TASP1: variants seen among roughly 807,000 people sequenced by gnomAD.
The protein encoded by TASP1 is threonine aspartase 1.
TASP1 carries 16 observed loss-of-function variants against 56.6 expected under a neutral mutation model. That is an observed-to-expected ratio of 0.28 (90% CI 0.19 to 0.43). The LOEUF (loss-of-function observed/expected upper bound fraction) is 0.43, where lower values mean the gene tolerates loss of function less well. TASP1 is among the 20% of genes least tolerant of loss of function. The pLI is 1.00. For synonymous variants in TASP1, 179 were observed against 184.2 expected, an observed-to-expected ratio of 0.97 and a Z score of 0.23; for missense variants, 393 against 511.6, an observed-to-expected ratio of 0.77 and a Z score of 2.24.
chr20:13,559,152 T>G, intron 7 of TASP1, 38 bp from the exon 8 acceptor site: 1 of 1,323,528 alleles, frequency 7.6e-7, no homozygotes, highest in South Asian at 1.6e-5. Flanking sequence ...ATATAACATT[T>G]AAGAAATATT....
At chr20:13,524,653 G>C (rs1049145121) in intron 10 of TASP1, among the ~76,000 whole-genome samples, 1 of 152,106 alleles carries the variant, frequency 6.6e-6, no homozygotes, top group African/African-American at 2.4e-5. Flanking sequence ...AATAAGAAAA[G>C]CTTTTACTAT....
chr20:13,118,411 C>T, the TASP1 span, among the ~76,000 whole-genome samples: 1 of 133,042 alleles, frequency 7.5e-6, no homozygotes, highest in African/African-American at 2.7e-5. Context: ...GAGTGTTGGC[C>T]CTGTCATTCT....
chr20:13,627,952 A>G (rs1389650844), intron 2 of TASP1, among the ~76,000 whole-genome samples: 2 of 152,264 alleles, frequency 1.3e-5, no homozygotes, highest in East Asian at 1.9e-4. Context: ...TCTATAACCA[A>G]TCAAATTGCT....
At chr20:13,346,944 A>G in the TASP1 span, among the ~76,000 whole-genome samples, 1 of 152,264 alleles carries the variant, frequency 6.6e-6, no homozygotes, top group East Asian at 1.9e-4. Flanking sequence ...GACTGTGTTC[A>G]TAAGAGTGAA....
At chr20:13,458,384 G>C (rs1454154322) in intron 11 of TASP1, among the ~76,000 whole-genome samples, 1 of 152,084 alleles carries the variant, frequency 6.6e-6, no homozygotes, top group Admixed American at 6.6e-5. Flanking sequence ...TTTCGCTCTT[G>C]TTGCCTAGGC....
chr20:13,313,007 C>T, the TASP1 span, among the ~76,000 whole-genome samples: 171 of 152,246 alleles, frequency 1.1e-3, no homozygotes, highest in Admixed American at 1.8e-3. Flanking sequence ...GCCTCATCTG[C>T]GCATCTTCCA....
chr20:13,273,879 G>C, the TASP1 span, among the ~76,000 whole-genome samples: 1 of 152,144 alleles, frequency 6.6e-6, no homozygotes, highest in Non-Finnish European at 1.5e-5. Context: ...GTGGAGGGTG[G>C]CCAGCATTTT....
At chr20:13,369,786 C>G in the TASP1 span, among the ~76,000 whole-genome samples, 2 of 152,162 alleles carry the variant, frequency 1.3e-5, no homozygotes, top group Non-Finnish European at 2.9e-5. Flanking sequence ...AGGATCAAGT[C>G]AACTAATGAA....
At chr20:13,576,998 T>C (rs1013448092) in intron 6 of TASP1, among the ~76,000 whole-genome samples, 1 of 152,182 alleles carries the variant, frequency 6.6e-6, no homozygotes, top group Admixed American at 6.5e-5. Flanking sequence ...TTTTTGTACA[T>C]CTATGCACAT....
At chr20:13,203,186 C>G in the TASP1 span, among the ~76,000 whole-genome samples, 3 of 152,156 alleles carry the variant, frequency 2.0e-5, no homozygotes, top group Admixed American at 1.3e-4. Context: ...TTAAATGTTA[C>G]TGTGTGCCAG....
the TASP1 span, among the ~76,000 whole-genome samples, chr20:13,295,028 G>A: frequency 6.6e-6 from 1 of 152,018 alleles, no homozygotes; most frequent in Admixed American, 6.5e-5. Flanking sequence ...TTCTATTGAT[G>A]AGTGCCCAAA....
intron 11 of TASP1, among the ~76,000 whole-genome samples, chr20:13,435,532 G>T (rs1477325177): frequency 1.3e-5 from 2 of 152,048 alleles, no homozygotes; most frequent in African/African-American, 4.8e-5. Flanking sequence ...CTGCTGTCAG[G>T]GACACACCAC....
intron 8 of TASP1, among the ~76,000 whole-genome samples, chr20:13,538,386 A>C (rs1459337739): frequency 6.6e-6 from 1 of 152,200 alleles, no homozygotes; most frequent in Non-Finnish European, 1.5e-5. Context: ...AAAAATAAGA[A>C]TATATCTTAA....
the TASP1 span, among the ~76,000 whole-genome samples, chr20:13,256,700 G>A: frequency 6.6e-6 from 1 of 152,180 alleles, no homozygotes; most frequent in Non-Finnish European, 1.5e-5. Flanking sequence ...ATTGTTGGAA[G>A]AGGTATTCAC....
At chr20:13,333,520 T>C in the TASP1 span, among the ~76,000 whole-genome samples, 5 of 151,286 alleles carry the variant, frequency 3.3e-5, no homozygotes, top group African/African-American at 1.2e-4. Context: ...TAAATAAAAA[T>C]ATTCACGTTT....
At position 13,499,568 on chromosome 20, in the gene TASP1, G is replaced by A. The variant is rs554500674; in HGVS notation, c.875-16231C>T. 2.0e-4 allele frequency among the ~76,000 whole-genome samples: 30 copies of A among 152,158 alleles called. No homozygotes were observed. The South Asian group carries it at 4.4e-3, about 22-fold the overall frequency. ...TTTGTTGAACAGACTATGATACTTG[G>A]AGCATCTGCAGCCACCTTATGACCA... On this transcript the variant is annotated intron_variant, in intron 10 of 13. Coordinates refer to ENST00000337743, the MANE Select transcript of TASP1 (RefSeq NM_017714.3).
the TASP1 span, among the ~76,000 whole-genome samples, chr20:13,138,829 A>T: frequency 6.6e-6 from 1 of 152,230 alleles, no homozygotes; most frequent in Non-Finnish European, 1.5e-5. Flanking sequence ...TGAGCTGAGC[A>T]TGCTGGATAA....
rs77645885 is a variant in TASP1 at position 13,611,925 on chromosome 20, T to A, written c.282+11521A>T. Among the ~76,000 whole-genome samples the A allele has an allele frequency of 4.3e-3, 651 of 152,314 alleles. 4 individuals carry two copies. Among genetic ancestry groups the A allele is most frequent in the Non-Finnish European group, 6.2e-3 (423 of 68,020 alleles). ...TAGTCTATGGGCCAATCAACACGCA[T>A]CTGTGAAATGTCTCTTTTGCAATCT... On this transcript the variant is annotated intron_variant, in intron 4 of 13. Transcript: ENST00000337743.
At chr20:13,277,513 C>G in the TASP1 span, among the ~76,000 whole-genome samples, 3 of 152,216 alleles carry the variant, frequency 2.0e-5, no homozygotes, top group South Asian at 2.1e-4. Context: ...CTGTGTGCTC[C>G]TTCTCCACTT....
Sources: allele counts gnomAD v4.1 joint callset (sites outside exome capture counted in the v4.1 genomes callset), GRCh38; gene constraint gnomAD v4.1.1; transcripts MANE v1.5; gene names NCBI Gene and HGNC (gene_info 2026-07-23, HGNC 2026-07-21).